The following DNAH17 variants were observed in gnomAD, a reference collection of about 807,000 sequenced individuals.
The protein encoded by DNAH17 is axonemal beta dynein heavy chain 17.
In DNAH17, 376 loss-of-function variants were observed where a neutral mutation model predicts 485.6. That is an observed-to-expected ratio of 0.77 (90% CI 0.71 to 0.84). The LOEUF (loss-of-function observed/expected upper bound fraction) is 0.84. Ranked by LOEUF, DNAH17 falls within the 40% of genes least tolerant of loss-of-function variation. DNAH17 has a pLI of 0.00. For synonymous variants in DNAH17, 3,031 were observed against 2,405.9 expected (o/e 1.26, Z -7.60); for missense variants, 6,370 against 5,839.3 (o/e 1.09, Z -2.96).
At chr17:78,560,708 C>A in intron 13 of DNAH17, 32 bp downstream of exon 13, 6 of 1,522,042 alleles carry the variant, frequency 3.9e-6, no homozygotes, top group South Asian at 2.5e-5. Context: ...TCCCAAGGAG[C>A]CTTTGACGCG....
intron 54 of DNAH17, among the ~76,000 whole-genome samples, chr17:78,470,178 G>T (rs982063130): frequency 6.7e-6 from 1 of 148,166 alleles, no homozygotes; most frequent in Non-Finnish European, 1.5e-5. Flanking sequence ...GGTTCAAGGA[G>T]TTCTCCTGCC....
At chr17:78,473,287 G>A (rs1253327796) in intron 54 of DNAH17, among the ~76,000 whole-genome samples, 1 of 152,168 alleles carries the variant, frequency 6.6e-6, no homozygotes, top group Non-Finnish European at 1.5e-5. Flanking sequence ...GCTCACGCCT[G>A]TAATCCCAGC....
In DNAH17 at chr17:78,425,288, T is replaced by G. The variant is rs899393241; in HGVS notation, c.13141+58A>C. On this transcript the variant is annotated intron_variant, in intron 80 of 80. Coordinates refer to ENST00000389840, the MANE Select transcript of DNAH17 (RefSeq NM_173628.4). ...TTTGCCAAGAGCTAGTTTTATCTTGTCTTGGCAAGTAGCACTGGCTCTGGA... is the reference window on the plus strand; with the variant it reads ...TTTGCCAAGAGCTAGTTTTATCTTGGCTTGGCAAGTAGCACTGGCTCTGGA... 14 of 1,515,282 alleles carry G rather than the reference T, an allele frequency of 9.2e-6. No individual in the cohort carries two copies. The Admixed American group carries it at 1.8e-4, about 19-fold the overall frequency. The allele number at this position is 1,515,282 out of a possible 1,614,324, so 93.9% of individuals were successfully genotyped here.
Position 78,574,849 on chromosome 17 carries a change from T to TG in DNAH17, c.208dup (p.Gln70ProfsTer56), listed in dbSNP as rs780487778. On this transcript the variant is annotated frameshift_variant, in exon 2 of 81. Coordinates refer to ENST00000389840, the MANE Select transcript of DNAH17 (RefSeq NM_173628.4). LOFTEE classifies it high-confidence loss of function. ...GTAAACCCCTTTGGACTTGAGGGAC[T>TG]GGGGGAAGCCCAGGCAGGGTATGAT... is the stretch of plus-strand genomic sequence containing the variant. 1.2e-6 allele frequency: 2 copies of TG among 1,613,866 alleles called. No individual in the cohort carries two copies. Among genetic ancestry groups the TG allele is most frequent in the Non-Finnish European group, 1.7e-6 (2 of 1,179,874 alleles).
At position 78,555,543 on chromosome 17, in the gene DNAH17, CAAAAA is replaced by C. The variant is rs765954549; in HGVS notation, c.2178+2560_2178+2564del. On this transcript the variant is annotated intron_variant, in intron 14 of 80. Transcript: ENST00000389840. ...CGGGGAGAGGAGCAAGATTCCGTCA[CAAAAA>C]AAAAAAAAAAAAAAAAAAGAGGCAA... Among the ~76,000 whole-genome samples the C allele has an allele frequency of 8.1e-4, 63 of 77,690 alleles. 1 individual carries two copies. Among genetic ancestry groups the C allele is most frequent in the African/African-American group, 3.2e-3 (57 of 17,810 alleles). The allele number at this position is 77,690 out of a possible 152,430, so 51.0% of individuals were successfully genotyped here. A position where few individuals can be genotyped will look rare whatever the true frequency, so the allele number is the denominator to read the frequency against.
At chr17:78,522,623 A>G (rs537128201) in intron 25 of DNAH17, 47 of 254,774 alleles carry the variant, frequency 1.8e-4, no homozygotes, top group African/African-American at 9.9e-4. Flanking sequence ...GACTTCACCC[A>G]TGAGTGCCCA....
In DNAH17 at chr17:78,423,903, G is replaced by T. The variant is rs72914863; in HGVS notation, c.*3C>A. The T allele has an allele frequency of 6.2e-7, 1 of 1,613,820 alleles. No homozygotes were observed. The highest frequency in any genetic ancestry group is 1.1e-5 in the South Asian group (1 of 91,004). The stretch of plus-strand genomic sequence containing the variant: ...GGAGTGTGGGCTGTGAGGCAGGAGC[G>T]AGCTAAACCTGTAGGAGCAGCGCCA... On this transcript the variant is annotated 3_prime_UTR_variant, in exon 81 of 81. Coordinates refer to ENST00000389840, the MANE Select transcript of DNAH17 (RefSeq NM_173628.4).
intron 20 of DNAH17, among the ~76,000 whole-genome samples, chr17:78,531,995 C>A (rs758229873): frequency 7.2e-5 from 11 of 152,192 alleles, no homozygotes; most frequent in Non-Finnish European, 1.3e-4. Flanking sequence ...TGCAAATGAG[C>A]CAACCCGGAG....
chr17:78,437,535 T>A, intron 74 of DNAH17, 106 bp downstream of exon 74: 1 of 742,742 alleles, frequency 1.3e-6, no homozygotes, highest in Non-Finnish European at 2.1e-6. Flanking sequence ...AGAGGGGAGG[T>A]GTCCCCAGAG....
At position 78,569,361 on chromosome 17, in the gene DNAH17, C is replaced by A. The variant is rs186396905; in HGVS notation, c.1197+14G>T. On this transcript the variant is annotated intron_variant, in intron 8 of 80. Coordinates refer to ENST00000389840, the MANE Select transcript of DNAH17 (RefSeq NM_173628.4). ...TCGTCCTGCCTTGGCCCTCGCCCTG[C>A]GAGGAAGGGGTACCTTAAAGAAAAG... 6.2e-7 allele frequency: 1 copy of A among 1,612,100 alleles called. No homozygotes were observed. The highest frequency in any genetic ancestry group is 8.5e-7 in the Non-Finnish European group (1 of 1,178,992).
chr17:78,439,044 C>A (rs370596122), intron 73 of DNAH17, 46 bp downstream of exon 73: 1 of 1,596,914 alleles, frequency 6.3e-7, no homozygotes, highest in South Asian at 1.1e-5. Flanking sequence ...CCATTGGCCA[C>A]CTCAGTGCGG....
chr17:78,566,797 G>A, intron 10 of DNAH17, 67 bp from the exon 11 acceptor site: 1 of 1,376,668 alleles, frequency 7.3e-7, no homozygotes, highest in Non-Finnish European at 1.0e-6. Context: ...ACCCTCTCCA[G>A]CCCCTGCCCT....
chr17:78,555,160 G>A (rs1288875155), intron 14 of DNAH17, among the ~76,000 whole-genome samples: 2 of 152,150 alleles, frequency 1.3e-5, no homozygotes, highest in Non-Finnish European at 2.9e-5. Flanking sequence ...GCTGTTACCG[G>A]CTGAAAACCA....
chr17:78,439,330 G>A, intron 72 of DNAH17, 113 bp from the exon 73 acceptor site: 3 of 1,258,104 alleles, frequency 2.4e-6, no homozygotes, highest in Non-Finnish European at 2.2e-6. Flanking sequence ...TTTCGGTGGT[G>A]AAATACACAT....
rs140386281 is a variant in DNAH17, at chr17:78,462,125, T to A, written c.9175-417A>T. 5.2e-3 allele frequency among the ~76,000 whole-genome samples: 796 copies of A among 152,112 alleles called. 10 individuals carry two copies. The highest frequency in any genetic ancestry group is 0.018 in the African/African-American group (757 of 41,472). The stretch of plus-strand genomic sequence containing the variant: ...AAGTCCAGGCTGCAGTGAGCCACGA[T>A]CGCACCACTGCATCCCAGCTTGGAT... On this transcript the variant is annotated intron_variant, in intron 57 of 80. Coordinates refer to ENST00000389840, the MANE Select transcript of DNAH17 (RefSeq NM_173628.4).
chr17:78,431,569 G>A (rs923169218), intron 75 of DNAH17, among the ~76,000 whole-genome samples: 15 of 152,124 alleles, frequency 9.9e-5, no homozygotes, highest in African/African-American at 2.9e-4. Context: ...GTTCGCATGG[G>A]AATCCCTGAT....
intron 79 of DNAH17, 98 bp from the exon 80 acceptor site, chr17:78,425,669 C>T: frequency 9.3e-7 from 1 of 1,077,520 alleles, no homozygotes. Context: ...CCAGAACCTT[C>T]CACGGGCCAC....
chr17:78,461,519 G>T, intron 58 of DNAH17, 25 bp downstream of exon 58: 1 of 1,536,038 alleles, frequency 6.5e-7, no homozygotes, highest in South Asian at 1.2e-5. Flanking sequence ...CCTTCCTGAA[G>T]GCACGCTGGG....
At chr17:78,513,585 G>A (rs146430049) in intron 26 of DNAH17, among the ~76,000 whole-genome samples, 15 of 152,248 alleles carry the variant, frequency 9.9e-5, no homozygotes, top group Admixed American at 4.6e-4. Flanking sequence ...ACAGGTGTGC[G>A]CTACCACGCT....
Sources: allele counts gnomAD v4.1 joint callset (sites outside exome capture counted in the v4.1 genomes callset), GRCh38; gene constraint gnomAD v4.1.1; transcripts MANE v1.5; gene names NCBI Gene and HGNC (gene_info 2026-07-23, HGNC 2026-07-21).